ADAMTSL1: variants seen among roughly 807,000 people sequenced by gnomAD.
ADAMTSL1 encodes the protein ADAMTS like 1.
In ADAMTSL1, 126 loss-of-function variants were observed where a neutral mutation model predicts 201.8. That is an observed-to-expected ratio of 0.62 (90% CI 0.54 to 0.72). The LOEUF is 0.72. Ranked by LOEUF, ADAMTSL1 falls within the 30% of genes least tolerant of loss-of-function variation. The pLI, the probability that ADAMTSL1 is intolerant of heterozygous loss-of-function variation, is 0.00. For synonymous variants in ADAMTSL1, 1,121 were observed against 903.4 expected (o/e 1.24, Z -4.32); for missense variants, 2,679 against 2,277.8 (o/e 1.18, Z -3.59).
intron 2 of ADAMTSL1, among the ~76,000 whole-genome samples, chr9:18,267,770 AAAAAC>A (rs1832181106): frequency 6.8e-6 from 1 of 146,700 alleles, no homozygotes. Context: ...ATTAAAAAAA[AAAAAC>A]AAAAACAAAA....
intron 1 of ADAMTSL1, among the ~76,000 whole-genome samples, chr9:18,491,160 G>T (rs1387727351): frequency 6.6e-6 from 1 of 152,162 alleles, no homozygotes; most frequent in African/African-American, 2.4e-5. Flanking sequence ...GGCAAATGGG[G>T]TAGTAAACCA....
At chr9:18,500,676 A>G (rs540378505) in intron 1 of ADAMTSL1, among the ~76,000 whole-genome samples, 267 of 152,312 alleles carry the variant, frequency 1.8e-3, no homozygotes, top group Admixed American at 6.1e-3. Context: ...ACAGCTGCCA[A>G]TTGTCCATTC....
chr9:18,163,365 A>G (rs1318263005), intron 1 of ADAMTSL1, among the ~76,000 whole-genome samples: 2 of 152,068 alleles, frequency 1.3e-5, no homozygotes, highest in Non-Finnish European at 2.9e-5. Context: ...GAGCAGCTAA[A>G]GTACATCTGG....
At chr9:18,534,851 C>T (rs1379450138) in intron 3 of ADAMTSL1, among the ~76,000 whole-genome samples, 1 of 152,218 alleles carries the variant, frequency 6.6e-6, no homozygotes, top group African/African-American at 2.4e-5. Flanking sequence ...GCTGGAGTGG[C>T]TGGGACACAG....
At chr9:18,053,349 C>G (rs958781437) in intron 1 of ADAMTSL1, among the ~76,000 whole-genome samples, 3 of 151,838 alleles carry the variant, frequency 2.0e-5, no homozygotes, top group African/African-American at 7.3e-5. Flanking sequence ...CATTCTCTCT[C>G]TCTCTCAAAA....
chr9:18,628,616 T>A (rs766593492), intron 5 of ADAMTSL1, among the ~76,000 whole-genome samples: 4 of 152,310 alleles, frequency 2.6e-5, no homozygotes, highest in Middle Eastern at 6.8e-3. Flanking sequence ...CTACAAAAAG[T>A]CTTGCTGGGA....
intron 13 of ADAMTSL1, among the ~76,000 whole-genome samples, chr9:18,702,182 A>T (rs1587933897): frequency 6.6e-6 from 1 of 152,196 alleles, no homozygotes. Context: ...ATCATCTCCC[A>T]TCAGGTCCCT....
chr9:18,233,357 G>A (rs1034796308), intron 2 of ADAMTSL1, among the ~76,000 whole-genome samples: 2 of 152,106 alleles, frequency 1.3e-5, no homozygotes, highest in African/African-American at 4.8e-5. Flanking sequence ...TTAACACTTC[G>A]ATGAATTTCA....
At chr9:18,469,748 T>C (rs1210316342), upstream of ADAMTSL1, among the ~76,000 whole-genome samples, 1 of 152,236 alleles carries the variant, frequency 6.6e-6, no homozygotes, top group Non-Finnish European at 1.5e-5. Flanking sequence ...CATTGCTCTG[T>C]AGCCATTTTT....
intron 1 of ADAMTSL1, among the ~76,000 whole-genome samples, chr9:18,157,125 A>G (rs763637641): frequency 6.6e-6 from 1 of 152,008 alleles, no homozygotes; most frequent in African/African-American, 2.4e-5. Context: ...TTTTCATTTC[A>G]GTGTCTGTGT....
chr9:18,386,303 C>T (rs762055959), intron 2 of ADAMTSL1, among the ~76,000 whole-genome samples: 25 of 152,238 alleles, frequency 1.6e-4, no homozygotes, highest in South Asian at 4.1e-4. Flanking sequence ...GTTGAACCTT[C>T]GATTTGATAT....
At chr9:18,638,403 C>T (rs1322254441) in intron 6 of ADAMTSL1, among the ~76,000 whole-genome samples, 1 of 152,008 alleles carries the variant, frequency 6.6e-6, no homozygotes, top group Non-Finnish European at 1.5e-5. Context: ...GTTTTGGAAC[C>T]CATTAGCCTT....
chr9:17,989,227 G>A (rs1414615118), intron 1 of ADAMTSL1, among the ~76,000 whole-genome samples: 1 of 150,836 alleles, frequency 6.6e-6, no homozygotes, highest in Non-Finnish European at 1.5e-5. Context: ...ACTCCTTTAG[G>A]CACTTACAAA....
intron 2 of ADAMTSL1, among the ~76,000 whole-genome samples, chr9:18,208,090 T>G (rs778900756): frequency 1.1e-4 from 16 of 152,168 alleles, no homozygotes; most frequent in Non-Finnish European, 1.6e-4. Context: ...GAGACAGTGA[T>G]GTACATTTTG....
At chr9:18,533,609 G>C (rs1190690575) in intron 3 of ADAMTSL1, among the ~76,000 whole-genome samples, 1 of 151,934 alleles carries the variant, frequency 6.6e-6, no homozygotes, top group African/African-American at 2.4e-5. Flanking sequence ...AACCAGTTGG[G>C]GTATCATGAA....
intron 2 of ADAMTSL1, among the ~76,000 whole-genome samples, chr9:18,231,443 C>A (rs1830641768): frequency 6.6e-6 from 1 of 152,166 alleles, no homozygotes. Flanking sequence ...TCCTTGGAAT[C>A]TTTTGGCTTC....
At chr9:18,151,882 C>T (rs558534235) in intron 1 of ADAMTSL1, among the ~76,000 whole-genome samples, 2 of 152,126 alleles carry the variant, frequency 1.3e-5, no homozygotes, top group South Asian at 4.1e-4. Context: ...ATCCCCTTGC[C>T]AGTCTTCTTT....
intron 7 of ADAMTSL1, among the ~76,000 whole-genome samples, chr9:18,648,144 G>A (rs1453113556): frequency 7.0e-6 from 1 of 142,168 alleles, no homozygotes; most frequent in African/African-American, 2.5e-5. Flanking sequence ...TTATGTAATG[G>A]CCTTCTTTGT....
intron 2 of ADAMTSL1, among the ~76,000 whole-genome samples, chr9:18,322,999 T>A (rs189285948): frequency 2.6e-5 from 4 of 152,154 alleles, no homozygotes; most frequent in African/African-American, 9.7e-5. Context: ...ACAAAATCTT[T>A]CAGAAAACAG....
Sources: allele counts gnomAD v4.1 joint callset (sites outside exome capture counted in the v4.1 genomes callset), GRCh38; gene constraint gnomAD v4.1.1; transcripts MANE v1.5; gene names NCBI Gene and HGNC (gene_info 2026-07-23, HGNC 2026-07-21).